The following TENM3 variants were observed in gnomAD, a reference collection of about 807,000 sequenced individuals.
TENM3 encodes the protein teneurin-3.
In TENM3, 63 loss-of-function variants were observed where a neutral mutation model predicts 255.1. The ratio of observed to expected loss-of-function variants is 0.25; its 90% CI spans 0.20 to 0.30. The LOEUF is 0.30. Among genes scored for constraint, TENM3 ranks in the 10% least tolerant of loss-of-function variants. The pLI, the probability that TENM3 is intolerant of heterozygous loss-of-function variation, is 1.00. For missense variants in TENM3, 2,929 were observed against 3,461.1 expected, an observed-to-expected ratio of 0.85 and a Z score of 3.86; for synonymous variants, 1,306 against 1,322.3, an observed-to-expected ratio of 0.99 and a Z score of 0.27.
chr4:182,707,981 A>T (rs574413978), intron 12 of TENM3: 1 of 148,962 alleles, frequency 6.7e-6, no homozygotes, highest in Non-Finnish European at 1.5e-5. Context: ...ACTGGGGGGA[A>T]AAAACACCTT....
chr4:181,465,473 T>G, the TENM3 span, among the ~76,000 whole-genome samples: 1 of 152,170 alleles, frequency 6.6e-6, no homozygotes, highest in South Asian at 2.1e-4. Flanking sequence ...TTCTTGAACT[T>G]CTCTCCTTGA....
chr4:182,504,021 T>A (rs970178997), intron 3 of TENM3, among the ~76,000 whole-genome samples: 1 of 151,846 alleles, frequency 6.6e-6, no homozygotes, highest in Non-Finnish European at 1.5e-5. Context: ...ATATATATAT[T>A]TTTATTTTAT....
At chr4:182,547,859 A>G (rs1347500962) in intron 3 of TENM3, among the ~76,000 whole-genome samples, 1 of 152,178 alleles carries the variant, frequency 6.6e-6, no homozygotes, top group Non-Finnish European at 1.5e-5. Context: ...GAAGAAATAA[A>G]TGCTTTATTG....
the TENM3 span, among the ~76,000 whole-genome samples, chr4:182,022,071 C>A: frequency 6.6e-6 from 1 of 151,838 alleles, no homozygotes; most frequent in Non-Finnish European, 1.5e-5. Context: ...ATTGTTCCAC[C>A]AAATTGTTCT....
At chr4:182,341,385 G>A (rs893405161) in intron 2 of TENM3, among the ~76,000 whole-genome samples, 1 of 152,040 alleles carries the variant, frequency 6.6e-6, no homozygotes, top group African/African-American at 2.4e-5. Context: ...CCTTTATTCA[G>A]ATTCAACTTA....
In TENM3 at chr4:182,680,523, T is replaced by C. The variant is rs766626101; in HGVS notation, c.1640-20T>C. ...GTGGAAAGTGTGGCTGTAATTCTTC[T>C]GTCGTGTCTTGTTTCACAGCCGCCT... On this transcript the variant is annotated intron_variant, in intron 9 of 27. Coordinates refer to ENST00000511685, the MANE Select transcript of TENM3 (RefSeq NM_001080477.4). The C allele has an allele frequency of 5.0e-6, 8 of 1,610,322 alleles. No individual in the cohort carries two copies. The African/African-American group carries it at 1.1e-4, about 22-fold the overall frequency.
intron 3 of TENM3, among the ~76,000 whole-genome samples, chr4:182,443,775 G>T (rs1379416555): frequency 6.6e-6 from 1 of 152,136 alleles, no homozygotes; most frequent in African/African-American, 2.4e-5. Context: ...AGGCTGTAGA[G>T]GACCCAGTAG....
the TENM3 span, among the ~76,000 whole-genome samples, chr4:181,616,768 C>T: frequency 6.6e-6 from 1 of 152,082 alleles, no homozygotes; most frequent in African/African-American, 2.4e-5. Context: ...GGATGGGTGT[C>T]TCAGCTCCAG....
the TENM3 span, among the ~76,000 whole-genome samples, chr4:181,818,014 C>A: frequency 2.0e-5 from 3 of 152,250 alleles, no homozygotes; most frequent in Non-Finnish European, 2.9e-5. Context: ...CTAGCAAATT[C>A]TCTTCCTCAT....
At chr4:181,657,597 C>T in the TENM3 span, among the ~76,000 whole-genome samples, 1 of 152,126 alleles carries the variant, frequency 6.6e-6, no homozygotes, top group African/African-American at 2.4e-5. Flanking sequence ...TCTCAAAGAA[C>T]TTAAAACAGA....
intron 1 of TENM3, among the ~76,000 whole-genome samples, chr4:182,208,703 G>C (rs1464976836): frequency 1.3e-5 from 2 of 152,128 alleles, no homozygotes; most frequent in Non-Finnish European, 2.9e-5. Context: ...CAGGACCATA[G>C]TATGTCCTAG....
intron 6 of TENM3, among the ~76,000 whole-genome samples, chr4:182,655,739 G>A (rs1047609204): frequency 3.3e-5 from 5 of 152,086 alleles, no homozygotes; most frequent in South Asian, 2.1e-4. Context: ...AGAAATCTCC[G>A]TAAAGCTGGA....
chr4:182,413,592 G>T (rs1770161886), intron 3 of TENM3, among the ~76,000 whole-genome samples: 1 of 151,560 alleles, frequency 6.6e-6, no homozygotes, highest in African/African-American at 2.4e-5. Context: ...CTCCAGCCTG[G>T]GCAACAGAGT....
chr4:181,759,696 G>A, the TENM3 span, among the ~76,000 whole-genome samples: 1 of 150,108 alleles, frequency 6.7e-6, no homozygotes, highest in African/African-American at 2.4e-5. Flanking sequence ...GAGGAAAAAA[G>A]CAAGGATTTA....
At chr4:182,757,803 A>AAT (rs1365231806) in intron 22 of TENM3, among the ~76,000 whole-genome samples, 10 of 152,236 alleles carry the variant, frequency 6.6e-5, no homozygotes, top group Non-Finnish European at 1.2e-4. Flanking sequence ...AAAGAATGAA[A>AAT]GATTTTAATT....
intron 2 of TENM3, among the ~76,000 whole-genome samples, chr4:182,332,032 A>G (rs1763790762): frequency 6.6e-6 from 1 of 152,202 alleles, no homozygotes; most frequent in South Asian, 2.1e-4. Flanking sequence ...ACTGTCAGAA[A>G]TGATACAATT....
the TENM3 span, among the ~76,000 whole-genome samples, chr4:181,647,150 A>C: frequency 3.3e-5 from 5 of 152,172 alleles, no homozygotes; most frequent in African/African-American, 1.2e-4. Flanking sequence ...AATATGATAA[A>C]AGTTTCCAAA....
chr4:181,918,129 A>T, the TENM3 span, among the ~76,000 whole-genome samples: 1 of 152,172 alleles, frequency 6.6e-6, no homozygotes, highest in Admixed American at 6.5e-5. Flanking sequence ...AATGCATTTT[A>T]TTTGTGGGTG....
At chr4:182,585,846 G>A (rs1365748299) in intron 3 of TENM3, among the ~76,000 whole-genome samples, 1 of 152,196 alleles carries the variant, frequency 6.6e-6, no homozygotes, top group Non-Finnish European at 1.5e-5. Flanking sequence ...GACTATCTTA[G>A]TTACTGCTTC....
Sources: allele counts gnomAD v4.1 joint callset (sites outside exome capture counted in the v4.1 genomes callset), GRCh38; gene constraint gnomAD v4.1.1; transcripts MANE v1.5; gene names NCBI Gene and HGNC (gene_info 2026-07-23, HGNC 2026-07-21).